The following ARFGEF3 variants were observed in gnomAD, a reference collection of about 807,000 sequenced individuals.
The protein encoded by ARFGEF3 is ARFGEF family member 3, also known as brefeldin A-inhibited guanine nucleotide-exchange protein 3.
ARFGEF3 carries 96 observed loss-of-function variants against 221.7 expected under a neutral mutation model. The ratio of observed to expected loss-of-function variants is 0.43; its 90% CI spans 0.37 to 0.51. The LOEUF is 0.51. Ranked by LOEUF, ARFGEF3 falls within the 20% of genes least tolerant of loss-of-function variation. ARFGEF3 has a pLI of 0.00. For synonymous variants in ARFGEF3, 1,145 were observed against 1,126.8 expected, an observed-to-expected ratio of 1.02 and a Z score of -0.32; for missense variants, 2,410 against 2,789.9, an observed-to-expected ratio of 0.86 and a Z score of 3.07.
At chr6:138,281,460 C>G (rs572417367) in intron 14 of ARFGEF3, among the ~76,000 whole-genome samples, 8 of 152,310 alleles carry the variant, frequency 5.3e-5, no homozygotes, top group Non-Finnish European at 1.0e-4. Context: ...AACCCTTTAC[C>G]TTCCCTCCCT....
In ARFGEF3 at chr6:138,245,578, C is replaced by A; in HGVS notation, c.652C>A (p.Gln218Lys). ...ACTCACCGTCCTGTGTGAGAAGCTG[C>A]AAGCCGCCATAAAGTAAGTGCCCTA... The part of the protein sequence containing the change: ...SVLTVLCEKL[Q>K]AAINDSQQLQ... Residue 218 changes from glutamine (Q) to lysine (K), a missense_variant, in exon 8 of 34, where the codon CAA (glutamine) becomes AAA (lysine). Gln to Lys is a moderately conservative substitution (Grantham distance 53). Coordinates refer to ENST00000251691, the MANE Select transcript of ARFGEF3 (RefSeq NM_020340.5). The A allele has an allele frequency of 6.2e-7, 1 of 1,607,040 alleles. No homozygotes were observed. The highest frequency in any genetic ancestry group is 1.1e-5 in the South Asian group (1 of 89,542).
rs1479560955 is a variant in ARFGEF3, at chr6:138,296,911, C to G, written c.3604C>G (p.His1202Asp). Reference sequence around the variant, plus strand: ...GCGGAGCAAAGCACGGCCCCTGCTCCACGTGATGCGCTGCTGGAGCCTTGT... The same window carrying G: ...GCGGAGCAAAGCACGGCCCCTGCTCGACGTGATGCGCTGCTGGAGCCTTGT... ...IVRSKARPLL[H>D]VMRCWSLVAP... The change falls in exon 21 of 34, where the codon CAC becomes GAC. Residue 1202 changes from histidine to aspartate, a missense_variant. Physicochemically the swap from His to Asp is moderately conservative, Grantham distance 81. Around this residue, in one of 5 missense-constraint regions of ARFGEF3, gnomAD observed 723 missense variants for 991.9 expected, o/e 0.73. Coordinates refer to ENST00000251691, the MANE Select transcript of ARFGEF3 (RefSeq NM_020340.5). 1 of 1,613,820 alleles carries G rather than the reference C, an allele frequency of 6.2e-7. No homozygotes were observed. Among genetic ancestry groups the G allele is most frequent in the Non-Finnish European group, 8.5e-7 (1 of 1,179,874 alleles).
In ARFGEF3 at chr6:138,334,253, G is replaced by A. The variant is rs373484827; in HGVS notation, c.5407G>A (p.Ala1803Thr). 38 of 1,613,226 alleles carry A rather than the reference G, an allele frequency of 2.4e-5. No homozygotes were observed. The highest frequency in any genetic ancestry group is 3.3e-4 in the Middle Eastern group (2 of 6,084). ...GAAGAAAGTGTCTGGCATCGGGGGC[G>A]CCGCCAACCTCTACCGCCAGTCTGC... ...LLKKVSGIGG[A>T]ANLYRQSAMS... Residue 1803 changes from alanine (A) to threonine (T), a missense_variant, in exon 33 of 34, where the codon GCC becomes ACC. By Grantham distance (58) the Ala-to-Thr change is moderately conservative (BLOSUM62 0). Transcript: ENST00000251691. The surrounding 1 kb of genome is among the most constrained non-coding windows in gnomAD (Gnocchi z 5.1).
intron 5 of ARFGEF3, among the ~76,000 whole-genome samples, chr6:138,235,746 A>G (rs912242910): frequency 6.6e-6 from 1 of 151,384 alleles, no homozygotes; most frequent in African/African-American, 2.4e-5. Flanking sequence ...ATGTCAAGAT[A>G]GCTGAGAAAG....
intron 21 of ARFGEF3, 101 bp from the exon 22 acceptor site, chr6:138,298,505 G>A (rs12665341): frequency 0.086 from 72,397 of 846,260 alleles, 4,797 homozygotes; most frequent in South Asian, 0.23. Context: ...CAGAATTGCT[G>A]CTTCCACCTC....
chr6:138,185,986 T>C (rs1777176340), intron 2 of ARFGEF3, among the ~76,000 whole-genome samples: 1 of 152,148 alleles, frequency 6.6e-6, no homozygotes. Flanking sequence ...GAGGCTTGAG[T>C]GATAAAATCA....
chr6:138,289,766 TTC>T (rs1369781607), intron 17 of ARFGEF3, 50 bp from the exon 18 acceptor site: 5 of 1,563,064 alleles, frequency 3.2e-6, no homozygotes, highest in Non-Finnish European at 3.5e-6. Flanking sequence ...TTTTCATTCT[TTC>T]TGTCTCCCTT....
At chr6:138,327,296 C>G (rs1780143279) in intron 31 of ARFGEF3, among the ~76,000 whole-genome samples, 1 of 151,210 alleles carries the variant, frequency 6.6e-6, no homozygotes, top group African/African-American at 2.5e-5. Flanking sequence ...TTAAAAATAG[C>G]TGGGCATAGT....
intron 2 of ARFGEF3, among the ~76,000 whole-genome samples, chr6:138,193,675 C>T (rs1330425794): frequency 1.3e-5 from 2 of 152,196 alleles, no homozygotes; most frequent in Non-Finnish European, 2.9e-5. Flanking sequence ...GGCATTTTGA[C>T]ACCATACCTG....
At chr6:138,326,915 G>A (rs6570223) in intron 31 of ARFGEF3, among the ~76,000 whole-genome samples, 9,867 of 152,236 alleles carry the variant, frequency 0.065, 955 homozygotes, top group African/African-American at 0.22. Context: ...GGAATACTAT[G>A]CAGTCATAAA....
chr6:138,184,842 A>G (rs1256196022), intron 2 of ARFGEF3, among the ~76,000 whole-genome samples: 1 of 152,220 alleles, frequency 6.6e-6, no homozygotes, highest in Non-Finnish European at 1.5e-5. Flanking sequence ...GGTGGGACGG[A>G]GGACATCACA....
At chr6:138,230,826 T>C (rs985633894) in intron 5 of ARFGEF3, among the ~76,000 whole-genome samples, 6 of 152,266 alleles carry the variant, frequency 3.9e-5, no homozygotes, top group Admixed American at 6.5e-5. Flanking sequence ...CACATTTGTA[T>C]GTATACTCTG....
chr6:138,238,330 T>TA (rs1379765050), intron 5 of ARFGEF3, among the ~76,000 whole-genome samples, 179 bp from the exon 6 acceptor site: 1 of 152,196 alleles, frequency 6.6e-6, no homozygotes, highest in African/African-American at 2.4e-5. Flanking sequence ...CCTATATGCT[T>TA]AAAAACAAAT....
intron 8 of ARFGEF3, among the ~76,000 whole-genome samples, chr6:138,252,084 T>C (rs1778593059): frequency 6.6e-6 from 1 of 152,170 alleles, no homozygotes; most frequent in African/African-American, 2.4e-5. Flanking sequence ...ATAACTTTTG[T>C]GGAGACTCAG....
intron 2 of ARFGEF3, among the ~76,000 whole-genome samples, chr6:138,194,372 G>A (rs1777369174): frequency 6.6e-6 from 1 of 152,030 alleles, no homozygotes; most frequent in African/African-American, 2.4e-5. Context: ...GCTGCTGTTT[G>A]CATTTGCCAC....
At chr6:138,176,308 A>G (rs1188767716) in intron 2 of ARFGEF3, among the ~76,000 whole-genome samples, 2 of 151,782 alleles carry the variant, frequency 1.3e-5, no homozygotes, top group Admixed American at 6.6e-5. Flanking sequence ...CAGCCTCCCA[A>G]ATAGCTGGGA....
Position 138,334,356 on chromosome 6 carries a change from T to G in ARFGEF3, c.5510T>G (p.Val1837Gly), listed in dbSNP as rs145794809. Residue 1837 changes from valine (V) to glycine (G), a missense_variant, in exon 33 of 34, where the codon GTG becomes GGG. By Grantham distance (109) the Val-to-Gly change is moderately radical. This residue lies in a region of ARFGEF3 where 723 missense variants were observed against 991.9 expected (regional missense o/e 0.73). Coordinates refer to ENST00000251691, the MANE Select transcript of ARFGEF3 (RefSeq NM_020340.5). This position sits in a 1 kb window ranked among gnomAD's most constrained non-coding sequence, Gnocchi z 5.1. ...TNQETITAEQ[V>G]KKVLFEDDER... Reference sequence around the variant, plus strand: ...CAAGAAACCATCACGGCCGAGCAAGTGAAGAAGGTCCTTTTTGAGGACGAC... The same window carrying G: ...CAAGAAACCATCACGGCCGAGCAAGGGAAGAAGGTCCTTTTTGAGGACGAC... 1.2e-6 allele frequency: 2 copies of G among 1,613,564 alleles called. No individual in the cohort carries two copies. Among genetic ancestry groups the G allele is most frequent in the East Asian group, 2.2e-5 (1 of 44,832 alleles).
At chr6:138,210,368 G>A (rs1158971232) in intron 4 of ARFGEF3, among the ~76,000 whole-genome samples, 6 of 151,994 alleles carry the variant, frequency 3.9e-5, no homozygotes, top group African/African-American at 1.2e-4. Context: ...CTGCCTGCTC[G>A]CATATGTTAA....
intron 12 of ARFGEF3, among the ~76,000 whole-genome samples, chr6:138,264,728 C>A (rs1269569435): frequency 6.6e-6 from 1 of 152,138 alleles, no homozygotes; most frequent in Admixed American, 6.5e-5. Flanking sequence ...TCTAACAAAA[C>A]TTCACACACA....
Sources: allele counts gnomAD v4.1 joint callset (sites outside exome capture counted in the v4.1 genomes callset), GRCh38; gene constraint gnomAD v4.1.1; regional missense constraint gnomAD v4.1.1; non-coding constraint Gnocchi (gnomAD v3.1); transcripts MANE v1.5; gene names NCBI Gene and HGNC (gene_info 2026-07-23, HGNC 2026-07-21).